The following MPP7 variants were observed in gnomAD, a reference collection of about 807,000 sequenced individuals.
MPP7 encodes the protein MAGUK p55 subfamily member 7.
In MPP7, 60 loss-of-function variants were observed where a neutral mutation model predicts 76.5. That is an observed-to-expected ratio of 0.78 (90% CI 0.64 to 0.97). The LOEUF is 0.97. Among genes scored for constraint, MPP7 ranks in the 50% least tolerant of loss-of-function variants. MPP7 has a pLI of 0.00. For missense variants in MPP7, 641 were observed against 694.0 expected, an observed-to-expected ratio of 0.92 and a Z score of 0.86; for synonymous variants, 237 against 244.5, an observed-to-expected ratio of 0.97 and a Z score of 0.29.
intron 11 of MPP7, among the ~76,000 whole-genome samples, chr10:28,100,024 C>A (rs1239640543): frequency 6.7e-6 from 1 of 148,166 alleles, no homozygotes; most frequent in Non-Finnish European, 1.5e-5. Flanking sequence ...TCTTAAAAAT[C>A]GGATTCATTT....
At chr10:28,057,689 C>T (rs1001262090) in intron 15 of MPP7, 1 of 1,239,228 alleles carries the variant, frequency 8.1e-7, no homozygotes, top group African/African-American at 2.0e-5. Flanking sequence ...AAGGGACTAA[C>T]ACAGTGCCCA....
intron 1 of MPP7, among the ~76,000 whole-genome samples, chr10:28,301,710 A>T (rs1244458562): frequency 6.6e-6 from 1 of 152,174 alleles, no homozygotes; most frequent in Non-Finnish European, 1.5e-5. Flanking sequence ...CCTGCCTCAG[A>T]AGAGTAGGAG....
chr10:28,121,027 G>C (rs958600153), intron 8 of MPP7, among the ~76,000 whole-genome samples: 1 of 152,122 alleles, frequency 6.6e-6, no homozygotes, highest in African/African-American at 2.4e-5. Flanking sequence ...AATGTATAAA[G>C]GTCTGGGTGC....
intron 11 of MPP7, among the ~76,000 whole-genome samples, chr10:28,092,577 CTTT>C (rs397969009): frequency 8.3e-6 from 1 of 121,094 alleles, no homozygotes; most frequent in Admixed American, 9.3e-5. Context: ...GAAAAGGGAC[CTTT>C]TTTTTTTTTT....
intron 3 of MPP7, among the ~76,000 whole-genome samples, chr10:28,177,037 AAAAG>A (rs770191712): frequency 1.7e-4 from 26 of 151,904 alleles, no homozygotes; most frequent in Middle Eastern, 6.8e-3. Context: ...TTAAAAAAAA[AAAAG>A]AAAGAAAAGA....
intron 1 of MPP7, among the ~76,000 whole-genome samples, chr10:28,272,352 A>G (rs1463310301): frequency 6.6e-6 from 1 of 152,172 alleles, no homozygotes; most frequent in Non-Finnish European, 1.5e-5. Flanking sequence ...CAAGCTCTAC[A>G]CTTAAATGTG....
chr10:28,302,511 G>A (rs1350236033), intron 1 of MPP7, among the ~76,000 whole-genome samples: 1 of 152,152 alleles, frequency 6.6e-6, no homozygotes, highest in East Asian at 1.9e-4. Flanking sequence ...CCGGGGAGCC[G>A]GACTCTGACT....
intron 1 of MPP7, among the ~76,000 whole-genome samples, chr10:28,267,157 A>G (rs3847383): frequency 0.7 from 106,903 of 152,118 alleles, 38,281 homozygotes; most frequent in East Asian, 0.99. Flanking sequence ...TATTGTCTAC[A>G]GCTGCTTTTA....
At chr10:28,252,925 G>A (rs1326252610) in intron 1 of MPP7, among the ~76,000 whole-genome samples, 1 of 151,750 alleles carries the variant, frequency 6.6e-6, no homozygotes, top group African/African-American at 2.4e-5. Flanking sequence ...TTTGGGAGGG[G>A]GGGGCGGAGT....
chr10:28,074,831 G>A (rs964292075), intron 12 of MPP7, among the ~76,000 whole-genome samples: 1 of 152,010 alleles, frequency 6.6e-6, no homozygotes, highest in South Asian at 2.1e-4. Flanking sequence ...CCACTTTCAC[G>A]GGCCATGGTG....
intron 1 of MPP7, among the ~76,000 whole-genome samples, chr10:28,270,517 CT>C (rs1243905994): frequency 1.0e-5 from 1 of 98,578 alleles, no homozygotes; most frequent in Admixed American, 1.7e-4. Context: ...AAGACTATCT[CT>C]TTAAAAAAAA....
chr10:28,079,100 G>A (rs1423207514), intron 12 of MPP7, among the ~76,000 whole-genome samples: 1 of 152,126 alleles, frequency 6.6e-6, no homozygotes, highest in Non-Finnish European at 1.5e-5. Context: ...TTCATGTAAT[G>A]TAATTATGAG....
At chr10:28,136,119 T>C (rs1030762844) in intron 5 of MPP7, among the ~76,000 whole-genome samples, 5 of 151,804 alleles carry the variant, frequency 3.3e-5, no homozygotes, top group Non-Finnish European at 7.4e-5. Context: ...TAATGCTTGA[T>C]GATCTGTCGC....
At chr10:28,062,580 A>C (rs982834396) in intron 13 of MPP7, among the ~76,000 whole-genome samples, 16 of 132,652 alleles carry the variant, frequency 1.2e-4, no homozygotes, top group African/African-American at 2.2e-4. Flanking sequence ...ACACACACAC[A>C]CCAAAGGTTG....
intron 3 of MPP7, among the ~76,000 whole-genome samples, chr10:28,183,798 A>AG (rs1837138327): frequency 6.6e-6 from 1 of 152,180 alleles, no homozygotes. Flanking sequence ...TCAAAAAAAA[A>AG]CAAGTTTGTT....
At chr10:28,311,300 T>C (rs10826449) in intron 2 of MPP7, among the ~76,000 whole-genome samples, 54,377 of 151,974 alleles carry the variant, frequency 0.36, 9,994 homozygotes, top group East Asian at 0.54. Context: ...GATCTAATAA[T>C]TCTGAGGCAT....
At chr10:28,218,315 T>G (rs7084878) in intron 2 of MPP7, among the ~76,000 whole-genome samples, 26,337 of 152,066 alleles carry the variant, frequency 0.17, 2,590 homozygotes, top group African/African-American at 0.26. Flanking sequence ...GTAGAGGAAT[T>G]AATCTTCAGA....
intron 11 of MPP7, among the ~76,000 whole-genome samples, chr10:28,110,522 G>A (rs566606105): frequency 2.0e-5 from 3 of 152,352 alleles, no homozygotes; most frequent in African/African-American, 7.2e-5. Flanking sequence ...GAAAGGTTAA[G>A]ATGAAAATAT....
In MPP7 at chr10:28,210,948, C is replaced by A. The variant is rs139995022; in HGVS notation, c.38-8677G>T. Among the ~76,000 whole-genome samples the A allele has an allele frequency of 3.4e-3, 517 of 152,208 alleles. 1 individual carries two copies. Among genetic ancestry groups the A allele is most frequent in the African/African-American group, 0.012 (499 of 41,532 alleles). ...TTCCCTCTATCCACACTATACTAGA[C>A]GATAAGTACATGTGCCACTTACTTT... is the stretch of plus-strand genomic sequence containing the variant. On this transcript the variant is annotated intron_variant, in intron 2 of 16. Coordinates refer to ENST00000683449, the MANE Select transcript of MPP7 (RefSeq NM_001318170.2).
Sources: allele counts gnomAD v4.1 joint callset (sites outside exome capture counted in the v4.1 genomes callset), GRCh38; gene constraint gnomAD v4.1.1; transcripts MANE v1.5; gene names NCBI Gene and HGNC (gene_info 2026-07-23, HGNC 2026-07-21).